The following TANC1 variants were observed in gnomAD, a reference collection of about 807,000 sequenced individuals.
The protein encoded by TANC1 is protein TANC1.
In TANC1, 77 loss-of-function variants were observed where a neutral mutation model predicts 149.7. The ratio of observed to expected loss-of-function variants is 0.51; its 90% CI spans 0.43 to 0.62. TANC1 has a LOEUF of 0.62. TANC1 is among the 20% of genes least tolerant of loss of function. TANC1 has a pLI of 0.00. For missense variants in TANC1, 1,985 were observed against 2,321.8 expected, an observed-to-expected ratio of 0.85 and a Z score of 2.98; for synonymous variants, 854 against 925.0, an observed-to-expected ratio of 0.92 and a Z score of 1.39.
chr2:159,150,628 C>A, intron 7 of TANC1, 72 bp downstream of exon 7: 1 of 1,254,214 alleles, frequency 8.0e-7, no homozygotes, highest in Non-Finnish European at 1.2e-6. Context: ...GGCACTTCCT[C>A]AGAGGGTTTT....
chr2:159,036,507 C>T lies in TANC1; in HGVS notation c.-15-29389C>T, dbSNP rs371783395. Among the ~76,000 whole-genome samples, 9 of 152,236 alleles carry T rather than the reference C, an allele frequency of 5.9e-5. No homozygotes were observed. The East Asian group carries it at 1.7e-3, about 29-fold the overall frequency. On this transcript the variant is annotated intron_variant, in intron 2 of 26. Transcript: ENST00000263635. ...TATCTCTCCTAATGCCATCCCTCCC[C>T]CATCCTCCCACCCCATGACAGGCCC...
intron 4 of TANC1, among the ~76,000 whole-genome samples, chr2:159,122,493 A>G (rs1259748893): frequency 6.6e-6 from 1 of 152,034 alleles, no homozygotes; most frequent in Admixed American, 6.5e-5. Context: ...TTTTTTTCTC[A>G]TTGTACAGAT....
intron 1 of TANC1, among the ~76,000 whole-genome samples, chr2:158,983,512 G>C (rs927125870): frequency 6.9e-6 from 1 of 144,606 alleles, no homozygotes; most frequent in South Asian, 2.1e-4. Context: ...CAAAAAAGTA[G>C]TATTTTATTA....
At chr2:159,096,545 T>C (rs1056548227) in intron 3 of TANC1, among the ~76,000 whole-genome samples, 1 of 152,174 alleles carries the variant, frequency 6.6e-6, no homozygotes, top group African/African-American at 2.4e-5. Flanking sequence ...AGAGCACACC[T>C]GGACAGGGGA....
intron 5 of TANC1, among the ~76,000 whole-genome samples, chr2:159,143,072 A>AAC (rs1553573302): frequency 6.0e-5 from 7 of 116,702 alleles, no homozygotes; most frequent in Non-Finnish European, 1.1e-4. Context: ...CAAAAAAAAA[A>AAC]AAAAAACAAC....
At chr2:159,039,751 G>A (rs1457030665) in intron 2 of TANC1, among the ~76,000 whole-genome samples, 1 of 152,178 alleles carries the variant, frequency 6.6e-6, no homozygotes, top group African/African-American at 2.4e-5. Flanking sequence ...TACATTTGCT[G>A]AGGAGTGCTT....
At chr2:159,050,193 G>A (rs1177484355) in intron 2 of TANC1, among the ~76,000 whole-genome samples, 2 of 152,036 alleles carry the variant, frequency 1.3e-5, no homozygotes, top group Non-Finnish European at 2.9e-5. Context: ...TTGCAGCCTC[G>A]AACACCTGGG....
chr2:159,157,985 A>T (rs1218990855), intron 7 of TANC1, among the ~76,000 whole-genome samples: 2 of 152,156 alleles, frequency 1.3e-5, no homozygotes, highest in African/African-American at 2.4e-5. Context: ...CTATTATAAT[A>T]GTATATGTAC....
intron 14 of TANC1, 70 bp downstream of exon 14, chr2:159,179,233 T>A: frequency 6.6e-7 from 1 of 1,526,084 alleles, no homozygotes; most frequent in Non-Finnish European, 8.8e-7. Flanking sequence ...GATTTAAATG[T>A]GATGCACGTG....
chr2:159,018,721 C>T (rs535182935), intron 2 of TANC1, among the ~76,000 whole-genome samples: 1 of 152,134 alleles, frequency 6.6e-6, no homozygotes, highest in South Asian at 2.1e-4. Context: ...CTAGGTATTG[C>T]GTACAGTAGA....
chr2:159,116,640 G>A (rs59181921), intron 4 of TANC1, among the ~76,000 whole-genome samples: 63,347 of 151,956 alleles, frequency 0.42, 14,978 homozygotes, highest in Middle Eastern at 0.59. Flanking sequence ...TAGACAATAC[G>A]TAAATGAGTG....
chr2:159,171,854 C>CT (rs2055253371), intron 10 of TANC1, among the ~76,000 whole-genome samples: 2 of 4,928 alleles, frequency 4.1e-4, no homozygotes, highest in African/African-American at 2.2e-3. Flanking sequence ...GAGACTCCGC[C>CT]TTAAAAAAAA....
intron 14 of TANC1, among the ~76,000 whole-genome samples, chr2:159,183,475 G>A (rs947397425): frequency 2.6e-5 from 4 of 152,196 alleles, no homozygotes; most frequent in Non-Finnish European, 4.4e-5. Flanking sequence ...CTTCCAGGGC[G>A]TGGAGGAGGG....
chr2:159,217,589 G>T lies in TANC1; in HGVS notation c.3337G>T (p.Val1113Phe), dbSNP rs758576440. Residue 1113 changes from valine (V) to phenylalanine (F), a missense_variant, in exon 20 of 27, where the codon GTT becomes TTT. Physicochemically the swap from Val to Phe is conservative, Grantham distance 50. This residue lies in a region of TANC1 where 920 missense variants were observed against 994.7 expected (regional missense o/e 0.92). Transcript: ENST00000263635. ...TGTGTCGCGGACAAACAGGAGAGGG[G>T]TTCCACCTTTGTTTTGTGCAGCACG... ...AAVSRTNRRG[V>F]PPLFCAARQG... 3.7e-6 allele frequency: 6 copies of T among 1,614,126 alleles called. No individual in the cohort carries two copies. The African/African-American group carries it at 6.7e-5, about 18-fold the overall frequency.
chr2:159,053,226 G>C (rs760429426), intron 2 of TANC1, among the ~76,000 whole-genome samples: 1 of 151,622 alleles, frequency 6.6e-6, no homozygotes, highest in Non-Finnish European at 1.5e-5. Context: ...CCCTTTTGGG[G>C]CTGTTGGAGT....
At chr2:159,154,251 A>G (rs1213200104) in intron 7 of TANC1, among the ~76,000 whole-genome samples, 1 of 152,220 alleles carries the variant, frequency 6.6e-6, no homozygotes, top group African/African-American at 2.4e-5. Context: ...AGACAATGCT[A>G]AACCATCCTT....
intron 12 of TANC1, among the ~76,000 whole-genome samples, chr2:159,175,554 G>A (rs2055758719): frequency 6.6e-6 from 1 of 152,180 alleles, no homozygotes; most frequent in African/African-American, 2.4e-5. Flanking sequence ...GAATTTTCCA[G>A]CATATATATT....
At chr2:159,185,313 A>G (rs2056872986) in intron 14 of TANC1, among the ~76,000 whole-genome samples, 1 of 152,214 alleles carries the variant, frequency 6.6e-6, no homozygotes, top group African/African-American at 2.4e-5. Flanking sequence ...CAAAAGGGAA[A>G]TGGGTGCTGT....
chr2:158,986,954 C>T (rs2035067478), intron 1 of TANC1, among the ~76,000 whole-genome samples: 1 of 151,406 alleles, frequency 6.6e-6, no homozygotes, highest in Non-Finnish European at 1.5e-5. Flanking sequence ...TAAAAAGAGG[C>T]TGGAGGAGGG....
Sources: allele counts gnomAD v4.1 joint callset (sites outside exome capture counted in the v4.1 genomes callset), GRCh38; gene constraint gnomAD v4.1.1; regional missense constraint gnomAD v4.1.1; transcripts MANE v1.5; gene names NCBI Gene and HGNC (gene_info 2026-07-23, HGNC 2026-07-21).